The following CACNB2 variants were observed in gnomAD, a reference collection of about 807,000 sequenced individuals.
The protein encoded by CACNB2 is voltage-dependent L-type calcium channel subunit beta-2.
A neutral mutation model predicts 73.3 loss-of-function variants in CACNB2; 42 were observed. That is an observed-to-expected ratio of 0.57 (90% CI 0.45 to 0.74). CACNB2 has a LOEUF of 0.74. Among genes scored for constraint, CACNB2 ranks in the 30% least tolerant of loss-of-function variants. CACNB2 has a pLI of 0.00. For synonymous variants in CACNB2, 348 were observed against 310.3 expected (o/e 1.12, Z -1.28); for missense variants, 940 against 853.0 (o/e 1.10, Z -1.27).
chr10:18,298,806 A>G (rs1048454625), intron 2 of CACNB2, among the ~76,000 whole-genome samples: 1 of 152,214 alleles, frequency 6.6e-6, no homozygotes, highest in African/African-American at 2.4e-5. Flanking sequence ...GTAAGAGGTA[A>G]AGCAGAGGTA....
At chr10:18,520,751 C>T (rs2051790093) in intron 9 of CACNB2, among the ~76,000 whole-genome samples, 1 of 152,176 alleles carries the variant, frequency 6.6e-6, no homozygotes. Flanking sequence ...GTGTTCCAGA[C>T]AGATTACACA....
At chr10:18,429,244 G>A (rs1306842759) in intron 3 of CACNB2, among the ~76,000 whole-genome samples, 1 of 152,162 alleles carries the variant, frequency 6.6e-6, no homozygotes, top group Non-Finnish European at 1.5e-5. Flanking sequence ...TGACTGTTGA[G>A]GAGTCAACTC....
chr10:18,162,729 G>A (rs549827124), intron 2 of CACNB2, among the ~76,000 whole-genome samples: 1 of 152,164 alleles, frequency 6.6e-6, no homozygotes, highest in Non-Finnish European at 1.5e-5. Flanking sequence ...GTAAACCAAG[G>A]CATGACTTAC....
intron 2 of CACNB2, among the ~76,000 whole-genome samples, chr10:18,334,692 C>A (rs1395152901): frequency 1.3e-5 from 2 of 152,116 alleles, no homozygotes; most frequent in Non-Finnish European, 2.9e-5. Flanking sequence ...CTCCTCACCC[C>A]TCCCCATCGT....
intron 2 of CACNB2, among the ~76,000 whole-genome samples, chr10:18,377,678 C>A (rs2042856286): frequency 6.6e-6 from 1 of 152,150 alleles, no homozygotes; most frequent in African/African-American, 2.4e-5. Flanking sequence ...AACTTAGGCC[C>A]ATGAGCTATA....
intron 2 of CACNB2, among the ~76,000 whole-genome samples, chr10:18,361,492 C>G (rs536492222): frequency 1.4e-4 from 17 of 119,348 alleles, no homozygotes; most frequent in African/African-American, 4.6e-4. Flanking sequence ...AAGCAAGACT[C>G]TATCTCAAAA....
intron 2 of CACNB2, among the ~76,000 whole-genome samples, chr10:18,249,952 A>C (rs191495592): frequency 1.3e-5 from 2 of 152,250 alleles, no homozygotes; most frequent in Non-Finnish European, 2.9e-5. Flanking sequence ...AATCATGTGA[A>C]TGGTTGCTCA....
At chr10:18,344,946 T>A (rs2041386301) in intron 2 of CACNB2, among the ~76,000 whole-genome samples, 1 of 152,228 alleles carries the variant, frequency 6.6e-6, no homozygotes, top group East Asian at 1.9e-4. Context: ...TTCAGACAGT[T>A]GTGGGTTCTG....
chr10:18,148,018 G>A (rs1382248480), intron 1 of CACNB2, among the ~76,000 whole-genome samples: 1 of 151,668 alleles, frequency 6.6e-6, no homozygotes, highest in Admixed American at 6.6e-5. Flanking sequence ...TGCTTTAAAT[G>A]TTTTTTTGTT....
intron 2 of CACNB2, among the ~76,000 whole-genome samples, chr10:18,351,277 C>T (rs1332752977): frequency 2.0e-5 from 3 of 151,716 alleles, no homozygotes; most frequent in Non-Finnish European, 4.4e-5. Flanking sequence ...TTCTGTATCC[C>T]GTCATCATGT....
intron 2 of CACNB2, among the ~76,000 whole-genome samples, chr10:18,293,256 T>C (rs1037197128): frequency 2.6e-5 from 4 of 152,224 alleles, no homozygotes; most frequent in Non-Finnish European, 5.9e-5. Flanking sequence ...ATTATTGTTA[T>C]CGTTGATTCT....
At chr10:18,525,048 A>AAAC (rs1554838145) in intron 9 of CACNB2, among the ~76,000 whole-genome samples, 4 of 147,670 alleles carry the variant, frequency 2.7e-5, no homozygotes, top group Non-Finnish European at 4.5e-5. Flanking sequence ...AAAAAAAAAA[A>AAAC]ACACATTATA....
intron 3 of CACNB2, among the ~76,000 whole-genome samples, chr10:18,492,111 A>G (rs9943388): frequency 0.99 from 150,537 of 152,176 alleles, 74,485 homozygotes; most frequent in African/African-American, 1. Flanking sequence ...GCACTGGTGC[A>G]AGAGAGAGGT....
chr10:18,506,287 G>C (rs1169283972), intron 5 of CACNB2, among the ~76,000 whole-genome samples, 184 bp from the exon 6 acceptor site: 1 of 152,134 alleles, frequency 6.6e-6, no homozygotes, highest in Non-Finnish European at 1.5e-5. Context: ...TGAAATCAGA[G>C]ACCATCATGT....
chr10:18,386,663 C>T, intron 2 of CACNB2, among the ~76,000 whole-genome samples: 1 of 152,258 alleles, frequency 6.6e-6, no homozygotes, highest in South Asian at 2.1e-4. Flanking sequence ...ATCTCAGCCT[C>T]CCAAAGTCCT....
chr10:18,258,026 G>A (rs916365973), intron 2 of CACNB2, among the ~76,000 whole-genome samples: 2 of 152,190 alleles, frequency 1.3e-5, no homozygotes, highest in South Asian at 2.1e-4. Context: ...TTATAGGCGT[G>A]AGCCACCCCG....
intron 2 of CACNB2, among the ~76,000 whole-genome samples, chr10:18,283,333 G>A (rs954592075): frequency 1.3e-4 from 20 of 152,132 alleles, no homozygotes; most frequent in African/African-American, 4.8e-4. Context: ...TATACCCAAA[G>A]GATTATACGT....
intron 2 of CACNB2, among the ~76,000 whole-genome samples, chr10:18,377,799 T>C (rs544450043): frequency 1.3e-4 from 20 of 152,346 alleles, no homozygotes; most frequent in Admixed American, 1.3e-3. Flanking sequence ...GGGAATGCGC[T>C]ACAGATGCCA....
intron 2 of CACNB2, among the ~76,000 whole-genome samples, chr10:18,239,583 A>C (rs372014778): frequency 2.0e-5 from 3 of 152,228 alleles, no homozygotes; most frequent in African/African-American, 7.2e-5. Flanking sequence ...ATTGATGGAC[A>C]CTTAGGTTGA....
Sources: allele counts gnomAD v4.1 joint callset (sites outside exome capture counted in the v4.1 genomes callset), GRCh38; gene constraint gnomAD v4.1.1; transcripts MANE v1.5; gene names NCBI Gene and HGNC (gene_info 2026-07-23, HGNC 2026-07-21).